EPB41L4A: variants seen among roughly 807,000 people sequenced by gnomAD.
EPB41L4A encodes band 4.1-like protein 4A.
Under a neutral mutation model 108.6 loss-of-function variants are expected in EPB41L4A, and 100 were observed. The observed-to-expected ratio is 0.92, with a 90% CI of 0.78 to 1.09. The LOEUF (loss-of-function observed/expected upper bound fraction) is 1.09, where lower values mean the gene tolerates loss of function less well. EPB41L4A is among the 50% of genes least tolerant of loss of function. The pLI is 0.00. For missense variants in EPB41L4A, 1,030 were observed against 842.7 expected (o/e 1.22, Z -2.75); for synonymous variants, 319 against 289.0 (o/e 1.10, Z -1.05).
At chr5:112,262,305 A>G (rs1052543214) in intron 7 of EPB41L4A, among the ~76,000 whole-genome samples, 189 bp downstream of exon 7, 2 of 152,232 alleles carry the variant, frequency 1.3e-5, no homozygotes, top group Non-Finnish European at 2.9e-5. Flanking sequence ...AAATATAATC[A>G]CAGATTTTTA....
chr5:112,201,316 C>T (rs1014646314), intron 15 of EPB41L4A, among the ~76,000 whole-genome samples: 27 of 152,308 alleles, frequency 1.8e-4, no homozygotes, highest in Admixed American at 5.2e-4. Flanking sequence ...CCCTGGAATA[C>T]GCCAATGAAA....
At chr5:112,247,858 T>C (rs1172937816) in intron 9 of EPB41L4A, among the ~76,000 whole-genome samples, 1 of 152,210 alleles carries the variant, frequency 6.6e-6, no homozygotes, top group Non-Finnish European at 1.5e-5. Flanking sequence ...ATCCTTTTAC[T>C]TTTCAAGTAC....
intron 4 of EPB41L4A, among the ~76,000 whole-genome samples, chr5:112,268,397 A>C (rs1752017291): frequency 6.6e-6 from 1 of 152,130 alleles, no homozygotes; most frequent in Non-Finnish European, 1.5e-5. Flanking sequence ...AACAAAAAAA[A>C]AACCTTATAA....
chr5:112,193,190 G>C (rs767870622), intron 17 of EPB41L4A, among the ~76,000 whole-genome samples: 20 of 152,248 alleles, frequency 1.3e-4, no homozygotes, highest in Non-Finnish European at 2.6e-4. Context: ...CACAGGCTTT[G>C]TAGTTAGAGG....
chr5:112,157,824 T>C (rs560920993), downstream of EPB41L4A, among the ~76,000 whole-genome samples: 1 of 152,328 alleles, frequency 6.6e-6, no homozygotes, highest in Admixed American at 6.5e-5. Flanking sequence ...GAGATTATTA[T>C]TCTGCCTTCC....
intron 4 of EPB41L4A, among the ~76,000 whole-genome samples, chr5:112,274,594 C>A (rs1752495538): frequency 6.6e-6 from 1 of 152,142 alleles, no homozygotes; most frequent in African/African-American, 2.4e-5. Flanking sequence ...TTTATTTTAG[C>A]CCCTAATATG....
chr5:112,300,951 G>C (rs1754315318), intron 2 of EPB41L4A, among the ~76,000 whole-genome samples: 1 of 152,048 alleles, frequency 6.6e-6, no homozygotes, highest in Non-Finnish European at 1.5e-5. Flanking sequence ...AGAATTTCAA[G>C]AACATTTTGC....
chr5:112,194,641 G>A lies in EPB41L4A; in HGVS notation c.1429C>T (p.Arg477Cys), dbSNP rs777792567. The change falls in exon 17 of 23, where the codon CGT (arginine) becomes TGT (cysteine). Residue 477 changes from arginine to cysteine, a missense_variant. Coordinates refer to ENST00000261486, the MANE Select transcript of EPB41L4A (RefSeq NM_022140.5). ...CCACTGCTGGTGTTACAGCGTGAAC[G>A]TGACCTGAAGACAAAAAGGTAAGAA... The part of the protein sequence containing the change: ...DSDLKQRRRS[R>C]SRCNTSSGSE... 16 of 1,596,012 alleles carry A rather than the reference G, an allele frequency of 1.0e-5. No individual in the cohort carries two copies. The highest frequency in any genetic ancestry group is 6.8e-5 in the East Asian group (3 of 44,276).
intron 1 of EPB41L4A, among the ~76,000 whole-genome samples, chr5:112,374,500 T>C (rs930677349): frequency 6.6e-6 from 1 of 152,200 alleles, no homozygotes; most frequent in African/African-American, 2.4e-5. Flanking sequence ...TCTGGCCCAA[T>C]CACCTAGGTT....
intron 1 of EPB41L4A, among the ~76,000 whole-genome samples, chr5:112,343,052 G>C (rs1433315095): frequency 3.9e-5 from 6 of 152,180 alleles, no homozygotes. Flanking sequence ...GAAGCAACTA[G>C]CATACAAAGC....
At chr5:112,295,685 T>C (rs72781668) in intron 2 of EPB41L4A, among the ~76,000 whole-genome samples, 17,879 of 152,200 alleles carry the variant, frequency 0.12, 1,161 homozygotes, top group Non-Finnish European at 0.15. Context: ...CAGAAAAACA[T>C]AGTGTTATGT....
chr5:112,167,544 G>A (rs890782674), intron 22 of EPB41L4A, among the ~76,000 whole-genome samples: 1 of 151,872 alleles, frequency 6.6e-6, no homozygotes, highest in Non-Finnish European at 1.5e-5. Flanking sequence ...CTCAGTTGAA[G>A]AGAAATCCCC....
At chr5:112,396,086 C>T (rs996380406) in intron 1 of EPB41L4A, among the ~76,000 whole-genome samples, 5 of 152,006 alleles carry the variant, frequency 3.3e-5, no homozygotes, top group Non-Finnish European at 5.9e-5. Flanking sequence ...ACATCACCCA[C>T]TGGGGCCTGT....
intron 1 of EPB41L4A, among the ~76,000 whole-genome samples, chr5:112,351,479 T>A (rs948518712): frequency 6.6e-6 from 1 of 152,072 alleles, no homozygotes; most frequent in African/African-American, 2.4e-5. Flanking sequence ...AAATAAAAAA[T>A]CTTCCAACAA....
intron 2 of EPB41L4A, among the ~76,000 whole-genome samples, chr5:112,291,706 C>T (rs1483374445): frequency 2.0e-5 from 3 of 152,198 alleles, no homozygotes; most frequent in Non-Finnish European, 1.5e-5. Context: ...ATGACACTTC[C>T]ACAAAGACTC....
chr5:112,396,871 G>A (rs1161343520), intron 1 of EPB41L4A, among the ~76,000 whole-genome samples: 3 of 152,148 alleles, frequency 2.0e-5, no homozygotes, highest in African/African-American at 7.2e-5. Context: ...AGAAATGTAT[G>A]GGTATACTTT....
chr5:112,189,973 C>T (rs1012171916), intron 17 of EPB41L4A, among the ~76,000 whole-genome samples: 1 of 152,220 alleles, frequency 6.6e-6, no homozygotes, highest in South Asian at 2.1e-4. Flanking sequence ...CTTCATCCTA[C>T]ACCCTGGGCA....
intron 18 of EPB41L4A, among the ~76,000 whole-genome samples, chr5:112,182,337 C>T (rs1216263097): frequency 6.6e-6 from 1 of 152,152 alleles, no homozygotes; most frequent in South Asian, 2.1e-4. Context: ...TTCCCAGGCC[C>T]ACTACAAATA....
intron 1 of EPB41L4A, among the ~76,000 whole-genome samples, chr5:112,309,877 G>C (rs1371172718): frequency 1.3e-5 from 2 of 152,176 alleles, no homozygotes; most frequent in Admixed American, 1.3e-4. Flanking sequence ...AATGAGAACA[G>C]CTTCAGGACC....
Sources: allele counts gnomAD v4.1 joint callset (sites outside exome capture counted in the v4.1 genomes callset), GRCh38; gene constraint gnomAD v4.1.1; transcripts MANE v1.5; gene names NCBI Gene and HGNC (gene_info 2026-07-23, HGNC 2026-07-21).